The following ADAMTSL3 variants were observed in gnomAD, a reference collection of about 807,000 sequenced individuals.
ADAMTSL3 encodes the protein ADAMTS like 3, also known as ADAMTS-like protein 3.
Under a neutral mutation model 201.7 loss-of-function variants are expected in ADAMTSL3, and 128 were observed. The ratio of observed to expected loss-of-function variants is 0.63; its 90% confidence interval spans 0.55 to 0.73. The LOEUF is 0.73. Among genes scored for constraint, ADAMTSL3 ranks in the 30% least tolerant of loss-of-function variants. ADAMTSL3 has a pLI of 0.00. For synonymous variants in ADAMTSL3, 738 were observed against 748.4 expected (o/e 0.99, Z 0.23); for missense variants, 1,990 against 2,119.6 (o/e 0.94, Z 1.20).
chr15:83,715,703 G>C (rs2062007616), intron 3 of ADAMTSL3, among the ~76,000 whole-genome samples: 1 of 152,164 alleles, frequency 6.6e-6, no homozygotes, highest in African/African-American at 2.4e-5. Flanking sequence ...ATGGGTCCTT[G>C]TTTCCTCCTC....
chr15:83,954,569 G>A (rs1484461341), intron 19 of ADAMTSL3, among the ~76,000 whole-genome samples: 1 of 152,158 alleles, frequency 6.6e-6, no homozygotes, highest in Non-Finnish European at 1.5e-5. Context: ...TCCTGTAGAT[G>A]TCCTTTGGTG....
chr15:83,720,918 G>A (rs987291613), intron 3 of ADAMTSL3, among the ~76,000 whole-genome samples: 1 of 151,980 alleles, frequency 6.6e-6, no homozygotes, highest in Non-Finnish European at 1.5e-5. Context: ...TTTTTTCTTA[G>A]TTTTAAACCT....
intron 2 of ADAMTSL3, 85 bp downstream of exon 2, chr15:83,655,915 G>A: frequency 2.2e-6 from 3 of 1,361,774 alleles, no homozygotes; most frequent in Non-Finnish European, 3.1e-6. Context: ...CTAAGATGTG[G>A]CATGATTAGT....
At chr15:84,009,550 G>A (rs1456066910) in intron 23 of ADAMTSL3, among the ~76,000 whole-genome samples, 2 of 152,202 alleles carry the variant, frequency 1.3e-5, no homozygotes, top group Non-Finnish European at 2.9e-5. Flanking sequence ...TTTTGAAGTA[G>A]TGTTGGCATA....
At chr15:83,668,676 A>G (rs746058143) in intron 2 of ADAMTSL3, among the ~76,000 whole-genome samples, 5 of 152,194 alleles carry the variant, frequency 3.3e-5, no homozygotes, top group Non-Finnish European at 7.3e-5. Context: ...CAAGTTGTCC[A>G]TAATGTATTT....
intron 16 of ADAMTSL3, among the ~76,000 whole-genome samples, chr15:83,915,891 G>A (rs527274218): frequency 6.6e-6 from 1 of 152,084 alleles, no homozygotes; most frequent in Non-Finnish European, 1.5e-5. Flanking sequence ...CCCATTCATC[G>A]GCTGATAGAA....
At chr15:83,838,950 G>C (rs1012356884) in intron 7 of ADAMTSL3, among the ~76,000 whole-genome samples, 1 of 152,262 alleles carries the variant, frequency 6.6e-6, no homozygotes, top group East Asian at 1.9e-4. Context: ...ACAGACACCT[G>C]TAAATAGATC....
intron 20 of ADAMTSL3, among the ~76,000 whole-genome samples, chr15:83,971,474 T>C (rs1162374591): frequency 1.3e-5 from 2 of 149,272 alleles, no homozygotes; most frequent in Admixed American, 6.7e-5. Context: ...GGAGAATCAC[T>C]TGAACCTGGG....
chr15:84,008,035 A>G (rs760943439), intron 23 of ADAMTSL3, among the ~76,000 whole-genome samples: 11 of 152,084 alleles, frequency 7.2e-5, no homozygotes, highest in Non-Finnish European at 1.0e-4. Flanking sequence ...TCTCCATACC[A>G]TTACCTTCAT....
At chr15:83,812,657 G>C (rs2141887297) in intron 5 of ADAMTSL3, among the ~76,000 whole-genome samples, 1 of 152,334 alleles carries the variant, frequency 6.6e-6, no homozygotes, top group South Asian at 2.1e-4. Flanking sequence ...ATATTCCAGA[G>C]ATTGCTAAAA....
At chr15:83,756,627 A>G (rs987369449) in intron 3 of ADAMTSL3, among the ~76,000 whole-genome samples, 8 of 145,424 alleles carry the variant, frequency 5.5e-5, no homozygotes, top group African/African-American at 1.7e-4. Context: ...ATGTCCTAAC[A>G]TTTCAAAATC....
rs377132060 is a variant in ADAMTSL3, at chr15:83,674,766, C to CATATATAT, written c.69+18952_69+18959dup. Among the ~76,000 whole-genome samples the CATATATAT allele has an allele frequency of 3.3e-3, 228 of 68,686 alleles. 2 individuals are homozygous for CATATATAT. The highest frequency in any genetic ancestry group is 4.6e-3 in the Non-Finnish European group (160 of 35,124). The allele number at this position is 68,686 out of a possible 152,430, so 45.1% of individuals were successfully genotyped here. ...ATATACATATATACACACATATATA[C>CATATATAT]ATATATATATATATATATATATAAA... On this transcript the variant is annotated intron_variant, in intron 2 of 29. Coordinates refer to ENST00000286744, the MANE Select transcript of ADAMTSL3 (RefSeq NM_207517.3).
intron 2 of ADAMTSL3, among the ~76,000 whole-genome samples, chr15:83,660,763 C>T (rs1054822266): frequency 1.1e-4 from 16 of 152,082 alleles, no homozygotes; most frequent in South Asian, 4.2e-4. Context: ...TTTCTTTTGC[C>T]GTGCAGAAGC....
chr15:83,809,568 C>T (rs1372621210), intron 5 of ADAMTSL3, among the ~76,000 whole-genome samples: 1 of 152,226 alleles, frequency 6.6e-6, no homozygotes, highest in African/African-American at 2.4e-5. Context: ...TGTATCTCCC[C>T]TTTTCTTTAA....
At chr15:83,920,081 TG>T (rs2066109034) in intron 16 of ADAMTSL3, among the ~76,000 whole-genome samples, 1 of 152,238 alleles carries the variant, frequency 6.6e-6, no homozygotes, top group Admixed American at 6.5e-5. Context: ...TATATATGTA[TG>T]TATGAATGAT....
intron 8 of ADAMTSL3, among the ~76,000 whole-genome samples, chr15:83,860,042 C>T (rs562244146): frequency 1.3e-5 from 2 of 152,170 alleles, no homozygotes; most frequent in Non-Finnish European, 2.9e-5. Flanking sequence ...GTGGCGCACG[C>T]CTGTAGTCCA....
intron 22 of ADAMTSL3, among the ~76,000 whole-genome samples, chr15:83,990,725 G>C (rs1263039625): frequency 6.6e-6 from 1 of 151,998 alleles, no homozygotes; most frequent in African/African-American, 2.4e-5. Context: ...TTCCTGCTCT[G>C]CCTGTCTTCT....
chr15:83,824,478 A>C (rs188970474), intron 6 of ADAMTSL3, among the ~76,000 whole-genome samples: 16 of 152,344 alleles, frequency 1.1e-4, no homozygotes, highest in African/African-American at 3.8e-4. Context: ...CTACACTGAC[A>C]CATCATAATC....
intron 2 of ADAMTSL3, among the ~76,000 whole-genome samples, chr15:83,679,605 G>A (rs940327200): frequency 6.6e-6 from 1 of 152,076 alleles, no homozygotes; most frequent in Non-Finnish European, 1.5e-5. Flanking sequence ...ACATGCAGTG[G>A]TATTCCACAC....
Sources: gnomAD v4.1 joint callset for allele counts (sites outside exome capture counted in the v4.1 genomes callset) on GRCh38, gnomAD v4.1.1 for gene constraint, MANE v1.5 for transcripts, NCBI Gene and HGNC (gene_info 2026-07-23, HGNC 2026-07-21) for gene names.